EYS: variants seen among roughly 807,000 people sequenced by gnomAD.
EYS encodes protein eyes shut homolog.
In EYS, 250 loss-of-function variants were observed where a neutral mutation model predicts 282.1. The ratio of observed to expected loss-of-function variants is 0.89; its 90% CI spans 0.80 to 0.98. The LOEUF (loss-of-function observed/expected upper bound fraction) is 0.98. EYS is among the 50% of genes least tolerant of loss of function. The pLI is 0.00. For synonymous variants in EYS, 1,355 were observed against 1,282.9 expected (o/e 1.06, Z -1.20); for missense variants, 4,016 against 3,709.0 (o/e 1.08, Z -2.15).
At chr6:64,335,977 G>A (rs951105489) in intron 29 of EYS, among the ~76,000 whole-genome samples, 2 of 152,044 alleles carry the variant, frequency 1.3e-5, no homozygotes, top group Admixed American at 6.6e-5. Flanking sequence ...GCTAAAATGA[G>A]CTCTATGTCT....
At chr6:64,649,301 T>C (rs1185922564) in intron 22 of EYS, among the ~76,000 whole-genome samples, 2 of 87,810 alleles carry the variant, frequency 2.3e-5, no homozygotes, top group African/African-American at 5.0e-5. Flanking sequence ...TTTAATAATA[T>C]GCTTACATAT....
At chr6:64,777,693 T>C (rs1773721330) in intron 22 of EYS, among the ~76,000 whole-genome samples, 1 of 152,156 alleles carries the variant, frequency 6.6e-6, no homozygotes, top group Admixed American at 6.6e-5. Flanking sequence ...CAAATAGTCA[T>C]CCTTTGGTTC....
rs368110143 is a variant in EYS at position 64,242,629 on chromosome 6, T to C, written c.6192-11805A>G. Among the ~76,000 whole-genome samples the C allele has an allele frequency of 2.0e-5, 3 of 152,032 alleles. No individual in the cohort carries two copies. In the South Asian group the frequency reaches 6.2e-4, roughly 32 times the overall value. ...ATTCAAAGTATTCATTTTCTATTATTTGTATCATCCCACTTTTTGGTTTCA... is the reference window on the plus strand; with the variant it reads ...ATTCAAAGTATTCATTTTCTATTATCTGTATCATCCCACTTTTTGGTTTCA... On this transcript the variant is annotated intron_variant, in intron 30 of 42. Coordinates refer to ENST00000503581, the MANE Select transcript of EYS (RefSeq NM_001142800.2).
intron 29 of EYS, among the ~76,000 whole-genome samples, chr6:64,352,645 G>A (rs1413460468): frequency 6.6e-6 from 1 of 151,466 alleles, no homozygotes; most frequent in Non-Finnish European, 1.5e-5. Context: ...GGTTGAATGA[G>A]TGATTTAATA....
chr6:65,282,469 A>T (rs565586282), intron 12 of EYS, among the ~76,000 whole-genome samples: 114 of 152,138 alleles, frequency 7.5e-4, no homozygotes, highest in Middle Eastern at 3.4e-3. Context: ...AAAAATAGTA[A>T]TAGTTTTAAA....
intron 2 of EYS, among the ~76,000 whole-genome samples, chr6:65,515,056 A>G (rs1767069382): frequency 2.0e-5 from 3 of 152,232 alleles, no homozygotes; most frequent in South Asian, 2.1e-4. Context: ...CAAAGGGCTA[A>G]TATCCAGAAT....
At chr6:64,460,240 T>C (rs1380706550) in intron 26 of EYS, among the ~76,000 whole-genome samples, 2 of 152,212 alleles carry the variant, frequency 1.3e-5, no homozygotes, top group African/African-American at 4.8e-5. Flanking sequence ...TAAGTAGTTA[T>C]GTTATATAGC....
intron 31 of EYS, among the ~76,000 whole-genome samples, chr6:64,101,536 A>G (rs981352787): frequency 6.7e-6 from 1 of 148,798 alleles, no homozygotes; most frequent in Non-Finnish European, 1.5e-5. Flanking sequence ...ACCAGAACAA[A>G]ACAGAAACCA....
chr6:64,965,559 CAAAAT>C (rs1562279029), intron 14 of EYS, among the ~76,000 whole-genome samples: 1 of 151,790 alleles, frequency 6.6e-6, no homozygotes, highest in Non-Finnish European at 1.5e-5. Flanking sequence ...AGCAAAATGA[CAAAAT>C]AAAAGAAAAA....
chr6:64,565,345 C>T (rs1475696876), intron 26 of EYS, among the ~76,000 whole-genome samples: 2 of 151,828 alleles, frequency 1.3e-5, no homozygotes, highest in Non-Finnish European at 2.9e-5. Flanking sequence ...GTCTTAAATT[C>T]ATTTTGAGTT....
rs114988210 is a variant in EYS, at chr6:64,881,707, C to T, written c.2992+4990G>A. On this transcript the variant is annotated intron_variant, in intron 19 of 42. Coordinates refer to ENST00000503581, the MANE Select transcript of EYS (RefSeq NM_001142800.2). ...AAATAGAAAATGCAATTGCATTCTGCGTCCATTCATGGTTATAACTCAATA... is the reference window on the plus strand; with the variant it reads ...AAATAGAAAATGCAATTGCATTCTGTGTCCATTCATGGTTATAACTCAATA... Among the ~76,000 whole-genome samples the T allele has an allele frequency of 2.5e-3, 374 of 151,774 alleles. 1 individual carries two copies. Among genetic ancestry groups the T allele is most frequent in the African/African-American group, 6.9e-3 (285 of 41,464 alleles).
intron 8 of EYS, among the ~76,000 whole-genome samples, chr6:65,359,668 T>C (rs750287706): frequency 6.6e-6 from 1 of 151,988 alleles, no homozygotes; most frequent in African/African-American, 2.4e-5. Context: ...TTAGAAACCA[T>C]ACAGAAAAAT....
In EYS at chr6:63,940,671, G is replaced by A. The variant is rs569716166; in HGVS notation, c.7055+43712C>T. ...GGAGAAAGGATATCTGCCTGAATAC[G>A]TTTTTTTTTCCTCTTTTTTTTTTTA... On this transcript the variant is annotated intron_variant, in intron 35 of 42. Transcript: ENST00000503581. Among the ~76,000 whole-genome samples, 11 of 148,984 alleles carry A rather than the reference G, an allele frequency of 7.4e-5. No individual in the cohort carries two copies. In the South Asian group the frequency reaches 1.9e-3, roughly 26 times the overall value.
At chr6:64,148,458 T>C (rs1425800191) in intron 31 of EYS, among the ~76,000 whole-genome samples, 1 of 152,142 alleles carries the variant, frequency 6.6e-6, no homozygotes, top group East Asian at 1.9e-4. Context: ...AGGCATTTTA[T>C]CTGTTCCCTG....
chr6:63,776,928 T>A (rs1265988962), intron 40 of EYS, among the ~76,000 whole-genome samples: 1 of 152,174 alleles, frequency 6.6e-6, no homozygotes, highest in Non-Finnish European at 1.5e-5. Flanking sequence ...TGCTTCTAAT[T>A]AAGTTTAGTT....
In EYS at chr6:65,371,707, CCCTCTCTCT is replaced by C. The variant is rs1384127944; in HGVS notation, c.1299+12670_1299+12678del. Among the ~76,000 whole-genome samples, 232 of 91,302 alleles carry C rather than the reference CCCTCTCTCT, an allele frequency of 2.5e-3. 2 individuals carry two copies. Among genetic ancestry groups the C allele is most frequent in the African/African-American group, 9.3e-3 (220 of 23,736 alleles). 59.9% of individuals were successfully genotyped at this position (91,302 alleles called of 152,430 possible). On this transcript the variant is annotated intron_variant, in intron 8 of 42. Transcript: ENST00000503581. Reference sequence around the variant, plus strand: ...CCTTCAAATTCCTCTCTCTCTCTCTCCCTCTCTCTCTCTCTCTCTCTCTCTCTCTCTCTC... The same window carrying C: ...CCTTCAAATTCCTCTCTCTCTCTCTCCTCTCTCTCTCTCTCTCTCTCTCTC...
At chr6:65,374,889 A>T (rs1436039490) in intron 8 of EYS, among the ~76,000 whole-genome samples, 1 of 152,138 alleles carries the variant, frequency 6.6e-6, no homozygotes, top group East Asian at 1.9e-4. Flanking sequence ...CAGTCAGGGG[A>T]TTATAAATAA....
chr6:64,806,022 T>C (rs953610083), intron 22 of EYS, among the ~76,000 whole-genome samples: 1 of 151,648 alleles, frequency 6.6e-6, no homozygotes, highest in Non-Finnish European at 1.5e-5. Context: ...GGATAAAATA[T>C]AATTTTAAAA....
At chr6:63,871,947 C>G (rs1433526174) in intron 35 of EYS, among the ~76,000 whole-genome samples, 2 of 152,196 alleles carry the variant, frequency 1.3e-5, no homozygotes, top group African/African-American at 2.4e-5. Flanking sequence ...TGGAGAATTA[C>G]CACCAGGAGA....
Sources: allele counts gnomAD v4.1 joint callset (sites outside exome capture counted in the v4.1 genomes callset), GRCh38; gene constraint gnomAD v4.1.1; transcripts MANE v1.5; gene names NCBI Gene and HGNC (gene_info 2026-07-23, HGNC 2026-07-21).